The following AGBL1 variants were observed in gnomAD, a reference collection of about 807,000 sequenced individuals.
AGBL1 encodes AGBL carboxypeptidase 1.
A neutral mutation model predicts 118.9 loss-of-function variants in AGBL1; 130 were observed. The ratio of observed to expected loss-of-function variants is 1.09; its 90% confidence interval spans 0.95 to 1.26. AGBL1 has a LOEUF of 1.26. AGBL1 is among the 50% of genes most tolerant of loss of function. AGBL1 has a pLI of 0.00. For synonymous variants in AGBL1, 555 were observed against 478.9 expected (o/e 1.16, Z -2.08); for missense variants, 1,584 against 1,298.1 (o/e 1.22, Z -3.38).
chr15:86,592,768 A>G (rs112804579), intron 21 of AGBL1, among the ~76,000 whole-genome samples: 2,246 of 152,230 alleles, frequency 0.015, 57 homozygotes, highest in African/African-American at 0.052. Context: ...CGTGTTTTCT[A>G]TCTTGGGAAA....
chr15:86,755,358 C>T (rs112010408), intron 22 of AGBL1, among the ~76,000 whole-genome samples: 3 of 151,960 alleles, frequency 2.0e-5, no homozygotes, highest in South Asian at 2.1e-4. Context: ...AGCTGAGTAG[C>T]GGACAGACCA....
chr15:86,437,449 A>C (rs1387922993), intron 18 of AGBL1, among the ~76,000 whole-genome samples: 2 of 152,202 alleles, frequency 1.3e-5, no homozygotes, highest in East Asian at 3.9e-4. Flanking sequence ...CATCATTTTA[A>C]AAATCAGAGT....
chr15:86,998,073 T>A (rs979154484), intron 24 of AGBL1, among the ~76,000 whole-genome samples: 2 of 152,120 alleles, frequency 1.3e-5, no homozygotes, highest in Non-Finnish European at 2.9e-5. Flanking sequence ...ACACATAGGA[T>A]TGGGGATTGT....
chr15:86,398,091 A>C (rs959157373), intron 18 of AGBL1, among the ~76,000 whole-genome samples: 3 of 152,192 alleles, frequency 2.0e-5, no homozygotes, highest in Non-Finnish European at 2.9e-5. Context: ...ACACAGCTAT[A>C]AGAATGGTGT....
rs61365024 is a variant in AGBL1, at chr15:86,262,078, C to CTTTTTTTTT, written c.970-692_970-684dup. On this transcript the variant is annotated intron_variant, in intron 9 of 22. Transcript: ENST00000614907. ...CACTGCTAGGCCTATGCATAGCTGG[C>CTTTTTTTTT]TTTTTTTTTTTTTTTTGCCATTTAG... Among the ~76,000 whole-genome samples the CTTTTTTTTT allele has an allele frequency of 3.8e-3, 198 of 52,756 alleles. 43 individuals are homozygous for CTTTTTTTTT. Among genetic ancestry groups the CTTTTTTTTT allele is most frequent in the East Asian group, 0.024 (23 of 954 alleles). The allele number at this position is 52,756 out of a possible 152,430, so 34.6% of individuals were successfully genotyped here. A position where few individuals can be genotyped will look rare whatever the true frequency, so the allele number is the denominator to read the frequency against.
chr15:86,100,095 A>G (rs1896623045), intron 1 of AGBL1, among the ~76,000 whole-genome samples: 1 of 152,156 alleles, frequency 6.6e-6, no homozygotes. Flanking sequence ...TGGGATTGTC[A>G]GATGGCTTTT....
chr15:86,082,149 A>C (rs148748718), intron 1 of AGBL1, among the ~76,000 whole-genome samples: 41 of 152,334 alleles, frequency 2.7e-4, no homozygotes, highest in African/African-American at 9.4e-4. Context: ...TAGAAGTCAG[A>C]ACTCTGAAAC....
At chr15:86,873,352 C>T (rs982908062) in intron 22 of AGBL1, among the ~76,000 whole-genome samples, 2 of 151,994 alleles carry the variant, frequency 1.3e-5, no homozygotes, top group African/African-American at 4.8e-5. Flanking sequence ...CATTGAATGC[C>T]ATAAGATATT....
Position 86,158,994 on chromosome 15 carries a change from T to TC in AGBL1, c.458dup (p.Tyr154LeufsTer14). 6.2e-7 allele frequency: 1 copy of TC among 1,613,374 alleles called. No individual in the cohort carries two copies. Among genetic ancestry groups the TC allele is most frequent in the Non-Finnish European group, 8.5e-7 (1 of 1,179,434 alleles). On this transcript the variant is annotated frameshift_variant, in exon 5 of 23. Transcript: ENST00000614907. LOFTEE classifies it high-confidence loss of function. The stretch of plus-strand genomic sequence containing the variant: ...TGGAACTGCTTTTCAAGGTTATTAC[T>TC]CCTTACACCCGAAAGCGCACCCAAG...
intron 4 of AGBL1, among the ~76,000 whole-genome samples, chr15:86,156,115 T>G (rs1403905339): frequency 6.6e-6 from 1 of 152,092 alleles, no homozygotes; most frequent in East Asian, 1.9e-4. Context: ...GGGACAGGGT[T>G]TCACCATGTT....
At chr15:86,759,251 A>C (rs1386106631) in intron 22 of AGBL1, among the ~76,000 whole-genome samples, 1 of 152,128 alleles carries the variant, frequency 6.6e-6, no homozygotes, top group Non-Finnish European at 1.5e-5. Flanking sequence ...CAGAGAAAGC[A>C]TTTAGGGAAT....
At chr15:86,960,931 G>A (rs2080986589) in intron 23 of AGBL1, among the ~76,000 whole-genome samples, 1 of 152,048 alleles carries the variant, frequency 6.6e-6, no homozygotes, top group Admixed American at 6.6e-5. Context: ...AGGTGCTGGA[G>A]GTTGGGGCAG....
intron 22 of AGBL1, among the ~76,000 whole-genome samples, chr15:86,736,379 C>CA (rs5814261): frequency 0.08 from 11,003 of 137,770 alleles, 879 homozygotes; most frequent in African/African-American, 0.21. Context: ...AACTCTGTCT[C>CA]AAAAAAAAAA....
intron 18 of AGBL1, among the ~76,000 whole-genome samples, chr15:86,513,179 A>T (rs2083073371): frequency 6.6e-6 from 1 of 151,568 alleles, no homozygotes; most frequent in Admixed American, 6.6e-5. Context: ...TTTTTCCAGG[A>T]TCATATATTG....
intron 5 of AGBL1, among the ~76,000 whole-genome samples, chr15:86,215,049 A>G (rs1483070624): frequency 6.6e-6 from 1 of 152,188 alleles, no homozygotes; most frequent in East Asian, 1.9e-4. Flanking sequence ...ATCTGGTTCC[A>G]TTTCTGCACC....
chr15:86,505,937 T>C (rs988600336), intron 18 of AGBL1, among the ~76,000 whole-genome samples: 1 of 152,064 alleles, frequency 6.6e-6, no homozygotes, highest in African/African-American at 2.4e-5. Context: ...GGATTTATTG[T>C]TGTTTGTTTA....
intron 19 of AGBL1, among the ~76,000 whole-genome samples, chr15:86,536,935 A>G (rs1274118698): frequency 6.6e-6 from 1 of 152,222 alleles, no homozygotes. Flanking sequence ...TGCATGTCTG[A>G]AGAAAACTAA....
At chr15:86,789,616 C>T (rs553470613) in intron 22 of AGBL1, among the ~76,000 whole-genome samples, 1 of 152,174 alleles carries the variant, frequency 6.6e-6, no homozygotes, top group African/African-American at 2.4e-5. Context: ...AATCCAGCCC[C>T]GGCCAACCTG....
intron 22 of AGBL1, among the ~76,000 whole-genome samples, chr15:86,796,699 T>G (rs1241779292): frequency 6.6e-6 from 1 of 152,188 alleles, no homozygotes; most frequent in Non-Finnish European, 1.5e-5. Context: ...AAATAAAACA[T>G]TATTAGAACA....
Sources: gnomAD v4.1 joint callset for allele counts (sites outside exome capture counted in the v4.1 genomes callset) on GRCh38, gnomAD v4.1.1 for gene constraint, MANE v1.5 for transcripts, NCBI Gene and HGNC (gene_info 2026-07-23, HGNC 2026-07-21) for gene names.